Variants in ZCWPW2 observed in about 807,000 individuals in gnomAD.
ZCWPW2 encodes the protein zinc finger CW-type PWWP domain protein 2.
A neutral mutation model predicts 46.6 loss-of-function variants in ZCWPW2; 45 were observed. The ratio of observed to expected loss-of-function variants is 0.96; its 90% CI spans 0.76 to 1.24. The LOEUF is 1.24. ZCWPW2 is among the 50% of genes most tolerant of loss of function. The probability of loss-of-function intolerance (pLI) is 0.00; values close to 1 mark genes in which losing one functional copy is unlikely to be tolerated. For missense variants in ZCWPW2, 429 were observed against 403.9 expected (o/e 1.06, Z -0.53); for synonymous variants, 152 against 137.1 (o/e 1.11, Z -0.76).
At chr3:28,372,608 G>T (rs771900827) in intron 1 of ZCWPW2, among the ~76,000 whole-genome samples, 1 of 151,858 alleles carries the variant, frequency 6.6e-6, no homozygotes, top group Non-Finnish European at 1.5e-5. Context: ...ACCTTTTTTG[G>T]CAACTTGTCC....
At chr3:28,492,063 C>T in intron 5 of ZCWPW2, 64 bp from the exon 6 acceptor site, 3 of 1,454,326 alleles carry the variant, frequency 2.1e-6, no homozygotes, top group Non-Finnish European at 2.9e-6. Flanking sequence ...TTGTGTAATT[C>T]AGTATTTATT....
chr3:28,502,164 C>G (rs1349684431), intron 6 of ZCWPW2, among the ~76,000 whole-genome samples: 1 of 151,968 alleles, frequency 6.6e-6, no homozygotes, highest in Non-Finnish European at 1.5e-5. Context: ...CATAACTAAC[C>G]CTGCTTGATT....
chr3:28,399,345 C>A (rs1269668869), intron 2 of ZCWPW2, among the ~76,000 whole-genome samples: 3 of 152,104 alleles, frequency 2.0e-5, no homozygotes, highest in Non-Finnish European at 4.4e-5. Context: ...TTCTTTCCTA[C>A]CCACCCTGGT....
intron 4 of ZCWPW2, among the ~76,000 whole-genome samples, chr3:28,442,403 G>T (rs909523855): frequency 7.2e-5 from 11 of 152,016 alleles, no homozygotes; most frequent in African/African-American, 2.6e-4. Flanking sequence ...AGTCCAGTGT[G>T]TTTGCTACTT....
intron 3 of ZCWPW2, among the ~76,000 whole-genome samples, chr3:28,433,917 G>GT (rs71295064): frequency 0.12 from 17,379 of 140,638 alleles, 1,327 homozygotes; most frequent in African/African-American, 0.2. Flanking sequence ...TTCCACCCCA[G>GT]TTTTTTTTTT....
At chr3:28,421,748 A>G (rs542724845) in intron 3 of ZCWPW2, among the ~76,000 whole-genome samples, 2 of 151,418 alleles carry the variant, frequency 1.3e-5, no homozygotes, top group Middle Eastern at 3.4e-3. Context: ...TTTTTCATAT[A>G]TAACATGCAG....
At chr3:28,523,161 A>G (rs1700768149) in intron 9 of ZCWPW2, among the ~76,000 whole-genome samples, 1 of 152,190 alleles carries the variant, frequency 6.6e-6, no homozygotes, top group Non-Finnish European at 1.5e-5. Context: ...GCTTTCAAAC[A>G]GCATTTCAGA....
intron 6 of ZCWPW2, 119 bp from the exon 7 acceptor site, chr3:28,513,945 G>T (rs200288614): frequency 1.8e-6 from 1 of 559,424 alleles, no homozygotes; most frequent in East Asian, 7.2e-5. Context: ...ATGTTGTTTA[G>T]GGTTATCAGC....
intron 1 of ZCWPW2, among the ~76,000 whole-genome samples, chr3:28,369,876 C>G (rs928921166): frequency 6.6e-6 from 1 of 152,200 alleles, no homozygotes; most frequent in Non-Finnish European, 1.5e-5. Flanking sequence ...CTCCCCCAGC[C>G]TCGCTGCCAC....
chr3:28,380,052 G>A (rs920812306), intron 1 of ZCWPW2, among the ~76,000 whole-genome samples: 4 of 151,684 alleles, frequency 2.6e-5, no homozygotes, highest in Non-Finnish European at 4.4e-5. Context: ...GCGTCATCTC[G>A]GCTCACTGCA....
At chr3:28,370,324 A>G (rs530562643) in intron 1 of ZCWPW2, among the ~76,000 whole-genome samples, 3 of 152,248 alleles carry the variant, frequency 2.0e-5, no homozygotes, top group Admixed American at 6.5e-5. Context: ...TCATTGTCGC[A>G]TAACAACCCT....
chr3:28,497,256 A>T (rs1700015427), intron 6 of ZCWPW2, among the ~76,000 whole-genome samples: 1 of 151,252 alleles, frequency 6.6e-6, no homozygotes, highest in Non-Finnish European at 1.5e-5. Context: ...TTATATAAAC[A>T]AATGTGTATA....
chr3:28,382,315 T>TA (rs1258660278), intron 1 of ZCWPW2, among the ~76,000 whole-genome samples: 2 of 152,150 alleles, frequency 1.3e-5, no homozygotes, highest in Non-Finnish European at 2.9e-5. Flanking sequence ...TTTTGGCTTG[T>TA]AGATGGCCAT....
intron 1 of ZCWPW2, among the ~76,000 whole-genome samples, chr3:28,381,977 A>C (rs1447130137): frequency 6.6e-6 from 1 of 152,080 alleles, no homozygotes; most frequent in Admixed American, 6.5e-5. Flanking sequence ...ATCCAGACCA[A>C]CATGGAGAAG....
Position 28,413,104 on chromosome 3 carries a change from T to TGC in ZCWPW2, c.36_37insGC (p.Cys13AlafsTer15). ...AAAAATTGGATGTTAAGATTGAATA[T>TGC]TGTAACTATGCAATGGATTCCTCAG... On this transcript the variant is annotated frameshift_variant, in exon 3 of 10. Transcript: ENST00000383768. LOFTEE classifies it high-confidence loss of function. The TGC allele has an allele frequency of 6.2e-7, 1 of 1,612,310 alleles. No homozygotes were observed. Among genetic ancestry groups the TGC allele is most frequent in the South Asian group, 1.1e-5 (1 of 90,932 alleles).
rs183028376 is a variant in ZCWPW2, at chr3:28,408,678, A to G, written c.-13-4378A>G. Among the ~76,000 whole-genome samples, 266 of 152,298 alleles carry G rather than the reference A, an allele frequency of 1.7e-3. 3 individuals carry two copies. The highest frequency in any genetic ancestry group is 3.4e-3 in the Middle Eastern group (1 of 294). On this transcript the variant is annotated intron_variant, in intron 2 of 9. Transcript: ENST00000383768. ...ACCAGCTTACATATGGTCTTAGTAA[A>G]GATTCCAGTGTCAATTTCATATTAA...
At chr3:28,503,097 T>C (rs904118630) in intron 6 of ZCWPW2, among the ~76,000 whole-genome samples, 1 of 152,170 alleles carries the variant, frequency 6.6e-6, no homozygotes, top group Non-Finnish European at 1.5e-5. Flanking sequence ...TTGATGATAC[T>C]TAAAATCTGG....
chr3:28,361,630 C>T (rs1290317390), intron 1 of ZCWPW2, among the ~76,000 whole-genome samples: 1 of 151,788 alleles, frequency 6.6e-6, no homozygotes, highest in East Asian at 1.9e-4. Flanking sequence ...GCAAACCATG[C>T]ATCTGATAGG....
In ZCWPW2 at chr3:28,488,227, C is replaced by A. The variant is rs149566611; in HGVS notation, c.611-3900C>A. Reference sequence around the variant, plus strand: ...TCAATTAAAGTTCAGGTTTTCCTACCCCTATACTAGTTTCCACCCTGCTCA... The same window carrying A: ...TCAATTAAAGTTCAGGTTTTCCTACACCTATACTAGTTTCCACCCTGCTCA... On this transcript the variant is annotated intron_variant, in intron 5 of 9. Transcript: ENST00000383768. Among the ~76,000 whole-genome samples, 800 of 152,224 alleles carry A rather than the reference C, an allele frequency of 5.3e-3. 9 individuals carry two copies. The highest frequency in any genetic ancestry group is 0.018 in the African/African-American group (762 of 41,530).
Sources: gnomAD v4.1 joint callset for allele counts (sites outside exome capture counted in the v4.1 genomes callset) on GRCh38, gnomAD v4.1.1 for gene constraint, MANE v1.5 for transcripts, NCBI Gene and HGNC (gene_info 2026-07-23, HGNC 2026-07-21) for gene names.